Variants in KCNB2 observed in about 807,000 individuals in gnomAD.
KCNB2 encodes potassium voltage-gated channel subfamily B member 2, also known as delayed rectifier potassium channel protein.
In KCNB2, 15 loss-of-function variants were observed where a neutral mutation model predicts 61.5. That is an observed-to-expected ratio of 0.24 (90% confidence interval 0.16 to 0.38). The LOEUF (loss-of-function observed/expected upper bound fraction) is 0.38, where lower values mean the gene tolerates loss of function less well. Among genes scored for constraint, KCNB2 ranks in the 10% least tolerant of loss-of-function variants. The pLI, the probability that KCNB2 is intolerant of heterozygous loss-of-function variation, is 1.00. For missense variants in KCNB2, 828 were observed against 1,125.2 expected, an observed-to-expected ratio of 0.74 and a Z score of 3.78; for synonymous variants, 457 against 446.0, an observed-to-expected ratio of 1.02 and a Z score of -0.31.
intron 2 of KCNB2, among the ~76,000 whole-genome samples, chr8:72,892,900 A>T (rs1394298983): frequency 6.6e-6 from 1 of 152,140 alleles, no homozygotes; most frequent in Non-Finnish European, 1.5e-5. Context: ...CAGCAAATGT[A>T]CTTAAGGAAA....
intron 2 of KCNB2, among the ~76,000 whole-genome samples, chr8:72,832,505 G>A (rs1258201255): frequency 6.6e-6 from 1 of 152,206 alleles, no homozygotes; most frequent in African/African-American, 2.4e-5. Flanking sequence ...CACAGTGGAT[G>A]CCAGGGAAAA....
Position 72,554,096 on chromosome 8 carries a change from A to G in KCNB2, c.-93-13546A>G, listed in dbSNP as rs528716107. On this transcript the variant is annotated intron_variant, in intron 1 of 2. Transcript: ENST00000523207. The stretch of plus-strand genomic sequence containing the variant: ...TTAAATCAGGGAGACAGTTTCAACT[A>G]GGTGCTAGTTAAATACATATTCAAG... Among the ~76,000 whole-genome samples the G allele has an allele frequency of 1.2e-4, 19 of 152,234 alleles. No homozygotes were observed. In the East Asian group the frequency reaches 2.3e-3, roughly 19 times the overall value.
intron 2 of KCNB2, among the ~76,000 whole-genome samples, chr8:72,658,345 A>G (rs1023115033): frequency 1.3e-5 from 2 of 152,216 alleles, no homozygotes; most frequent in African/African-American, 2.4e-5. Context: ...TCCTTATGCT[A>G]AAGCCTAATC....
intron 2 of KCNB2, among the ~76,000 whole-genome samples, chr8:72,894,645 G>A (rs1224394561): frequency 6.6e-6 from 1 of 152,050 alleles, no homozygotes; most frequent in Non-Finnish European, 1.5e-5. Context: ...CTCTTGTGAG[G>A]TGTCCAGGGC....
At chr8:72,627,190 C>T (rs1436151860) in intron 2 of KCNB2, among the ~76,000 whole-genome samples, 1 of 152,156 alleles carries the variant, frequency 6.6e-6, no homozygotes, top group Admixed American at 6.5e-5. Flanking sequence ...TTATCTCACT[C>T]ATTCATGAAA....
chr8:72,917,130 C>T (rs773372287), intron 2 of KCNB2, among the ~76,000 whole-genome samples: 1 of 152,126 alleles, frequency 6.6e-6, no homozygotes, highest in Non-Finnish European at 1.5e-5. Flanking sequence ...TAGACATAAA[C>T]AACAGTAAAT....
At chr8:72,788,898 G>T (rs780983849) in intron 2 of KCNB2, among the ~76,000 whole-genome samples, 3 of 152,040 alleles carry the variant, frequency 2.0e-5, no homozygotes, top group Non-Finnish European at 2.9e-5. Flanking sequence ...TTCTGGAAAG[G>T]GTAAGGTAAA....
intron 2 of KCNB2, among the ~76,000 whole-genome samples, chr8:72,753,977 C>A (rs763538852): frequency 1.3e-5 from 2 of 152,056 alleles, no homozygotes; most frequent in Non-Finnish European, 2.9e-5. Context: ...TGAGGGGAGG[C>A]GCCTGCAGTT....
intron 2 of KCNB2, among the ~76,000 whole-genome samples, chr8:72,866,084 G>A (rs1805512105): frequency 6.6e-6 from 1 of 152,198 alleles, no homozygotes; most frequent in African/African-American, 2.4e-5. Context: ...TCAGATGTTG[G>A]AAATGAGGAC....
intron 2 of KCNB2, chr8:72,618,770 A>G: frequency 4.8e-6 from 1 of 206,278 alleles, no homozygotes; most frequent in Non-Finnish European, 1.0e-5. Flanking sequence ...CTTCAGTGCT[A>G]CCTAATTCTC....
intron 2 of KCNB2, among the ~76,000 whole-genome samples, chr8:72,729,340 C>T (rs1807702825): frequency 6.6e-6 from 1 of 152,170 alleles, no homozygotes; most frequent in Admixed American, 6.5e-5. Flanking sequence ...TCTGCTCCAG[C>T]ATTTTGGATA....
chr8:72,789,740 G>A (rs1328273863), intron 2 of KCNB2, among the ~76,000 whole-genome samples: 1 of 152,054 alleles, frequency 6.6e-6, no homozygotes, highest in East Asian at 1.9e-4. Context: ...TCTGATGGGT[G>A]CCCTAACGGG....
At chr8:72,697,600 T>C (rs2128990692) in intron 2 of KCNB2, among the ~76,000 whole-genome samples, 1 of 152,142 alleles carries the variant, frequency 6.6e-6, no homozygotes, top group Middle Eastern at 3.4e-3. Context: ...ATTACACCTG[T>C]GAATAGCCAC....
intron 2 of KCNB2, among the ~76,000 whole-genome samples, chr8:72,637,859 A>G (rs1236306328): frequency 6.6e-6 from 1 of 152,176 alleles, no homozygotes; most frequent in African/African-American, 2.4e-5. Flanking sequence ...GGAAGACCAG[A>G]CAGGAAGGTA....
At chr8:72,703,559 C>A (rs1807168912) in intron 2 of KCNB2, among the ~76,000 whole-genome samples, 1 of 152,208 alleles carries the variant, frequency 6.6e-6, no homozygotes, top group Non-Finnish European at 1.5e-5. Context: ...CCAAGTAGCT[C>A]TCTTCAGCCT....
intron 2 of KCNB2, among the ~76,000 whole-genome samples, chr8:72,890,373 A>T (rs1229168261): frequency 6.6e-6 from 1 of 152,200 alleles, no homozygotes; most frequent in Non-Finnish European, 1.5e-5. Flanking sequence ...CAGACACAAT[A>T]CAAGTAAGTC....
chr8:72,598,291 TCAAC>T lies in KCNB2; in HGVS notation c.579+29979_579+29982del, dbSNP rs1246974041. 1.1e-3 allele frequency among the ~76,000 whole-genome samples: 174 copies of T among 152,310 alleles called. 5 individuals carry two copies. The East Asian group carries it at 0.031, about 27-fold the overall frequency. Reference sequence around the variant, plus strand: ...TTCATCACTCAGATGCAAGGCTGGTTCAACATATGAAAATCAATAAACGTAATCC... The same window carrying T: ...TTCATCACTCAGATGCAAGGCTGGTTATATGAAAATCAATAAACGTAATCC... On this transcript the variant is annotated intron_variant, in intron 2 of 2. Transcript: ENST00000523207.
chr8:72,820,398 T>A (rs1325876011), intron 2 of KCNB2, among the ~76,000 whole-genome samples: 2 of 152,154 alleles, frequency 1.3e-5, no homozygotes, highest in South Asian at 4.1e-4. Context: ...TTCCAATTAA[T>A]TTGCACAATG....
intron 2 of KCNB2, among the ~76,000 whole-genome samples, chr8:72,651,326 G>A (rs952343266): frequency 3.3e-5 from 5 of 152,082 alleles, no homozygotes; most frequent in African/African-American, 1.2e-4. Context: ...GGCCTAGGGA[G>A]GCTATTTGGA....
Sources: gnomAD v4.1 joint callset for allele counts (sites outside exome capture counted in the v4.1 genomes callset) on GRCh38, gnomAD v4.1.1 for gene constraint, MANE v1.5 for transcripts, NCBI Gene and HGNC (gene_info 2026-07-23, HGNC 2026-07-21) for gene names.